Variants in SLC4A4 observed in about 807,000 individuals in gnomAD.
The protein encoded by SLC4A4 is solute carrier family 4 member 4, also known as electrogenic sodium bicarbonate cotransporter 1.
In SLC4A4, 27 loss-of-function variants were observed where a neutral mutation model predicts 111.5. That is an observed-to-expected ratio of 0.24 (90% CI 0.18 to 0.33). The LOEUF (loss-of-function observed/expected upper bound fraction) is 0.33. Ranked by LOEUF, SLC4A4 falls within the 10% of genes least tolerant of loss-of-function variation. SLC4A4 has a pLI of 1.00. For missense variants in SLC4A4, 909 were observed against 1,315.5 expected, an observed-to-expected ratio of 0.69 and a Z score of 4.78; for synonymous variants, 443 against 463.4, an observed-to-expected ratio of 0.96 and a Z score of 0.57.
chr4:71,131,469 A>G (rs1743704921), intron 2 of SLC4A4, among the ~76,000 whole-genome samples: 1 of 152,188 alleles, frequency 6.6e-6, no homozygotes, highest in Non-Finnish European at 1.5e-5. Context: ...ATGCCTTTTC[A>G]TCACGACACC....
intron 16 of SLC4A4, 152 bp downstream of exon 16, chr4:71,497,844 A>C (rs1013737991): frequency 1.3e-4 from 91 of 697,810 alleles, no homozygotes; most frequent in Non-Finnish European, 2.0e-4. Flanking sequence ...GTTCATGTGC[A>C]TACTTATTAA....
In SLC4A4 at chr4:71,114,039, A is replaced by C. The variant is rs572201912; in HGVS notation, c.-2+21247A>C. Among the ~76,000 whole-genome samples, 8 of 152,188 alleles carry C rather than the reference A, an allele frequency of 5.3e-5. No homozygotes were observed. The South Asian group carries it at 1.7e-3, about 32-fold the overall frequency. On this transcript the variant is annotated intron_variant, in intron 2 of 26. Coordinates refer to the SLC4A4 transcript ENST00000649996. ...GAGGCCGGCGGATCACGAGGTCAGG[A>C]GATTGAGACCATTCTGGCTAACACG...
intron 14 of SLC4A4, among the ~76,000 whole-genome samples, chr4:71,476,300 A>C (rs1368014593): frequency 3.3e-5 from 5 of 151,786 alleles, no homozygotes; most frequent in African/African-American, 7.2e-5. Context: ...GATGATAGTG[A>C]GAGAGTAATA....
chr4:71,388,533 TATTC>T (rs201599029), intron 6 of SLC4A4, among the ~76,000 whole-genome samples: 61 of 151,924 alleles, frequency 4.0e-4, no homozygotes, highest in Admixed American at 7.9e-4. Flanking sequence ...TATTATATTA[TATTC>T]ATTCATTCAT....
chr4:71,469,440 ACTT>A (rs1364662778), intron 13 of SLC4A4, among the ~76,000 whole-genome samples: 1 of 151,768 alleles, frequency 6.6e-6, no homozygotes, highest in Non-Finnish European at 1.5e-5. Context: ...TTCAGATGTG[ACTT>A]CTTCAGTTTG....
At chr4:71,285,876 A>G (rs1242490242) in intron 3 of SLC4A4, among the ~76,000 whole-genome samples, 1 of 152,146 alleles carries the variant, frequency 6.6e-6, no homozygotes, top group Non-Finnish European at 1.5e-5. Flanking sequence ...GACTTTTCAT[A>G]ACAAAACTTT....
At chr4:71,524,561 A>G (rs1219631524) in intron 16 of SLC4A4, among the ~76,000 whole-genome samples, 3 of 152,170 alleles carry the variant, frequency 2.0e-5, no homozygotes, top group South Asian at 2.1e-4. Flanking sequence ...TCAAAATCAG[A>G]CTTTCCTTTT....
upstream of SLC4A4, among the ~76,000 whole-genome samples, chr4:71,186,516 G>C (rs1309353554): frequency 1.3e-5 from 2 of 152,092 alleles, no homozygotes; most frequent in Non-Finnish European, 2.9e-5. Flanking sequence ...AAGGAACCTG[G>C]GAGGCAAGAG....
chr4:71,517,189 T>G (rs1732483084), intron 16 of SLC4A4, among the ~76,000 whole-genome samples: 1 of 152,116 alleles, frequency 6.6e-6, no homozygotes, highest in South Asian at 2.1e-4. Flanking sequence ...TTCCTACCCC[T>G]TTGTCTCTCT....
intron 16 of SLC4A4, among the ~76,000 whole-genome samples, chr4:71,513,414 T>C (rs55776771): frequency 6.6e-6 from 1 of 152,308 alleles, no homozygotes; most frequent in Non-Finnish European, 1.5e-5. Flanking sequence ...AATTACCTTT[T>C]AAATTATTTT....
At chr4:71,256,924 A>G (rs1721496722) in intron 3 of SLC4A4, among the ~76,000 whole-genome samples, 1 of 152,154 alleles carries the variant, frequency 6.6e-6, no homozygotes, top group African/African-American at 2.4e-5. Context: ...CATTCTTCAG[A>G]TTAGAACAAG....
chr4:71,511,985 G>A (rs1336149790), intron 16 of SLC4A4, among the ~76,000 whole-genome samples: 3 of 152,092 alleles, frequency 2.0e-5, no homozygotes, highest in East Asian at 3.9e-4. Flanking sequence ...CATTATATAT[G>A]TATATGTCAC....
chr4:71,375,400 A>G (rs1732254552), intron 6 of SLC4A4, among the ~76,000 whole-genome samples: 1 of 152,186 alleles, frequency 6.6e-6, no homozygotes, highest in Non-Finnish European at 1.5e-5. Context: ...TCCCATTACT[A>G]GAATTTGCTG....
At chr4:71,275,074 G>A (rs1267293019) in intron 3 of SLC4A4, among the ~76,000 whole-genome samples, 1 of 152,096 alleles carries the variant, frequency 6.6e-6, no homozygotes, top group Non-Finnish European at 1.5e-5. Context: ...ATAGGCCTAG[G>A]ATGTTTTGCT....
At chr4:71,324,360 A>T (rs1402470191) in intron 3 of SLC4A4, among the ~76,000 whole-genome samples, 1 of 152,026 alleles carries the variant, frequency 6.6e-6, no homozygotes, top group Non-Finnish European at 1.5e-5. Flanking sequence ...TAGTCTTGGA[A>T]TATTGAAATA....
chr4:71,091,980 G>A (rs999128854), intron 1 of SLC4A4, among the ~76,000 whole-genome samples: 4 of 152,162 alleles, frequency 2.6e-5, no homozygotes, highest in African/African-American at 9.7e-5. Flanking sequence ...TAAGCCAAGA[G>A]TGGCATGCAG....
chr4:71,381,202 T>C (rs1462039948), intron 6 of SLC4A4, among the ~76,000 whole-genome samples: 1 of 152,208 alleles, frequency 6.6e-6, no homozygotes, highest in Non-Finnish European at 1.5e-5. Context: ...AATTCAACTA[T>C]AATGACAAGC....
intron 20 of SLC4A4, among the ~76,000 whole-genome samples, chr4:71,553,777 A>T (rs1736239355): frequency 6.6e-6 from 1 of 151,862 alleles, no homozygotes. Flanking sequence ...GTCAGAAATA[A>T]AGAGGCTTGA....
intron 1 of SLC4A4, among the ~76,000 whole-genome samples, chr4:71,068,675 C>A (rs1578448662): frequency 6.6e-6 from 1 of 152,032 alleles, no homozygotes; most frequent in Non-Finnish European, 1.5e-5. Context: ...GATCCTCCAA[C>A]CTTAGCCTCC....
Sources: gnomAD v4.1 joint callset for allele counts (sites outside exome capture counted in the v4.1 genomes callset) on GRCh38, gnomAD v4.1.1 for gene constraint, MANE v1.5 for transcripts, NCBI Gene and HGNC (gene_info 2026-07-23, HGNC 2026-07-21) for gene names.